The following GPHN variants were observed in gnomAD, a reference collection of about 807,000 sequenced individuals.
GPHN encodes gephyrin.
Under a neutral mutation model 95.5 loss-of-function variants are expected in GPHN, and 17 were observed. The observed-to-expected ratio is 0.18, with a 90% CI of 0.12 to 0.27. GPHN has a LOEUF of 0.27. Ranked by LOEUF, GPHN falls within the 10% of genes least tolerant of loss-of-function variation. GPHN has a pLI of 1.00. For synonymous variants in GPHN, 320 were observed against 322.5 expected (o/e 0.99, Z 0.08); for missense variants, 660 against 978.1 (o/e 0.67, Z 4.34).
chr14:66,770,095 T>C (rs1175812550), intron 2 of GPHN, among the ~76,000 whole-genome samples: 1 of 152,240 alleles, frequency 6.6e-6, no homozygotes, highest in African/African-American at 2.4e-5. Context: ...GTTGAGCTTT[T>C]TCTCATGATT....
chr14:66,663,927 A>T (rs1325680979), intron 1 of GPHN, among the ~76,000 whole-genome samples: 1 of 152,180 alleles, frequency 6.6e-6, no homozygotes, highest in Non-Finnish European at 1.5e-5. Context: ...AACAAGAAGA[A>T]CTAGCTATCG....
intron 1 of GPHN, among the ~76,000 whole-genome samples, chr14:66,522,920 C>G (rs1244968551): frequency 6.6e-6 from 1 of 151,980 alleles, no homozygotes; most frequent in East Asian, 1.9e-4. Context: ...GGAAAGAACA[C>G]TGGATGAAAT....
At chr14:66,584,297 T>C (rs547003265) in intron 1 of GPHN, among the ~76,000 whole-genome samples, 93 of 152,178 alleles carry the variant, frequency 6.1e-4, no homozygotes, top group Non-Finnish European at 1.2e-3. Flanking sequence ...GCTGAGACGA[T>C]GGGGTTTTCT....
chr14:66,557,190 A>G (rs2060034144), intron 1 of GPHN, among the ~76,000 whole-genome samples: 1 of 151,934 alleles, frequency 6.6e-6, no homozygotes, highest in African/African-American at 2.4e-5. Context: ...CTGGGCAACA[A>G]AGCATGACCC....
chr14:67,705,214 A>C, the GPHN span, among the ~76,000 whole-genome samples: 1 of 152,164 alleles, frequency 6.6e-6, no homozygotes, highest in East Asian at 1.9e-4. Context: ...TTCATACTGG[A>C]GTTGTCCTTT....
chr14:67,354,962 C>T, the GPHN span, among the ~76,000 whole-genome samples: 2 of 152,058 alleles, frequency 1.3e-5, no homozygotes, highest in Admixed American at 6.5e-5. Context: ...TACAGGCATG[C>T]GTCACCATGC....
At chr14:67,321,282 G>A in the GPHN span, 1 of 1,611,586 alleles carries the variant, frequency 6.2e-7, no homozygotes, top group South Asian at 1.1e-5. Flanking sequence ...CTTTGTTTTA[G>A]GGTTTGAACT....
At chr14:66,655,790 T>TAGA (rs2065272286) in intron 1 of GPHN, among the ~76,000 whole-genome samples, 8 of 152,110 alleles carry the variant, frequency 5.3e-5, no homozygotes. Context: ...TCTCATCTTT[T>TAGA]TGAGAATTTT....
At chr14:66,690,676 T>A (rs1348805106) in intron 2 of GPHN, among the ~76,000 whole-genome samples, 2 of 152,262 alleles carry the variant, frequency 1.3e-5, no homozygotes, top group Admixed American at 1.3e-4. Flanking sequence ...TTCATATATC[T>A]GGGTGCTCCA....
intron 12 of GPHN, 79 bp downstream of exon 12, chr14:67,089,154 T>TTTTTTTTTTTTTTTG: frequency 2.0e-6 from 1 of 492,432 alleles, no homozygotes; most frequent in Non-Finnish European, 3.6e-6. Context: ...TTTTTTTTTT[T>TTTTTTTTTTTTTTTG]TTTTCAAATT....
At chr14:67,319,986 A>G in the GPHN span, among the ~76,000 whole-genome samples, 28 of 152,356 alleles carry the variant, frequency 1.8e-4, no homozygotes, top group Non-Finnish European at 3.2e-4. Flanking sequence ...TAATGTAAGA[A>G]TCAGTATAAT....
At chr14:66,972,979 A>G (rs2069922754) in intron 9 of GPHN, among the ~76,000 whole-genome samples, 1 of 152,192 alleles carries the variant, frequency 6.6e-6, no homozygotes, top group Non-Finnish European at 1.5e-5. Context: ...TCTGAGTACT[A>G]TTACTAAAAT....
chr14:66,780,957 G>A (rs2059584055), intron 3 of GPHN, among the ~76,000 whole-genome samples: 2 of 152,036 alleles, frequency 1.3e-5, no homozygotes, highest in Non-Finnish European at 2.9e-5. Flanking sequence ...AAATAAATAT[G>A]CATATGTATT....
At chr14:67,458,974 G>A in the GPHN span, among the ~76,000 whole-genome samples, 659 of 152,294 alleles carry the variant, frequency 4.3e-3, 2 homozygotes, top group African/African-American at 0.015. Flanking sequence ...TGCAACCTCC[G>A]CCTGCTGGGT....
At chr14:67,329,593 A>G in the GPHN span, among the ~76,000 whole-genome samples, 1 of 152,178 alleles carries the variant, frequency 6.6e-6, no homozygotes, top group Admixed American at 6.5e-5. Context: ...TTGTCCATTC[A>G]GTATGATATT....
chr14:66,515,563 A>T (rs2058207678), intron 1 of GPHN, among the ~76,000 whole-genome samples: 1 of 152,230 alleles, frequency 6.6e-6, no homozygotes, highest in Non-Finnish European at 1.5e-5. Flanking sequence ...ATTTGAAATT[A>T]TAGGTAAAAA....
chr14:67,671,551 A>G, the GPHN span, among the ~76,000 whole-genome samples: 469 of 152,284 alleles, frequency 3.1e-3, 4 homozygotes, highest in African/African-American at 0.011. Context: ...AGAAAGAAAA[A>G]AGAAAAGAAA....
the GPHN span, among the ~76,000 whole-genome samples, chr14:67,217,205 T>A: frequency 1.3e-5 from 2 of 152,182 alleles, no homozygotes; most frequent in African/African-American, 4.8e-5. Context: ...TTCTGTTTTA[T>A]CTGATATAAA....
intron 20 of GPHN, among the ~76,000 whole-genome samples, chr14:67,167,370 G>T (rs958919725): frequency 6.6e-6 from 1 of 151,494 alleles, no homozygotes; most frequent in Non-Finnish European, 1.5e-5. Flanking sequence ...TTATTTGTTG[G>T]TTTGGGGTTT....
Sources: allele counts gnomAD v4.1 joint callset (sites outside exome capture counted in the v4.1 genomes callset), GRCh38; gene constraint gnomAD v4.1.1; transcripts MANE v1.5; gene names NCBI Gene and HGNC (gene_info 2026-07-23, HGNC 2026-07-21).